LRP1B: variants seen among roughly 807,000 people sequenced by gnomAD.
LRP1B encodes low-density lipoprotein receptor-related protein 1B.
In LRP1B, 217 loss-of-function variants were observed where a neutral mutation model predicts 556.6. That is an observed-to-expected ratio of 0.39 (90% confidence interval 0.35 to 0.44). The LOEUF is 0.44. Ranked by LOEUF, LRP1B falls within the 20% of genes least tolerant of loss-of-function variation. LRP1B has a pLI of 1.00. For missense variants in LRP1B, 5,053 were observed against 5,620.8 expected (o/e 0.90, Z 3.23); for synonymous variants, 2,047 against 1,865.8 (o/e 1.10, Z -2.50).
At chr2:140,524,182 C>G (rs888589005) in intron 49 of LRP1B, among the ~76,000 whole-genome samples, 1 of 151,724 alleles carries the variant, frequency 6.6e-6, no homozygotes, top group African/African-American at 2.4e-5. Context: ...ACAGACACTT[C>G]TCAAAAGAAG....
chr2:142,112,612 G>A (rs1039704729), intron 1 of LRP1B, among the ~76,000 whole-genome samples: 7 of 152,066 alleles, frequency 4.6e-5, no homozygotes, highest in Admixed American at 2.6e-4. Flanking sequence ...AGACTACATT[G>A]ATTTCCTCAT....
At chr2:141,152,949 C>T (rs555354662) in intron 7 of LRP1B, among the ~76,000 whole-genome samples, 29 of 150,746 alleles carry the variant, frequency 1.9e-4, no homozygotes, top group African/African-American at 6.8e-4. Flanking sequence ...AGCGAAGGTA[C>T]ACTTAGTTTA....
intron 2 of LRP1B, among the ~76,000 whole-genome samples, chr2:141,797,791 G>A (rs1216641327): frequency 6.6e-6 from 1 of 152,108 alleles, no homozygotes; most frequent in African/African-American, 2.4e-5. Context: ...TGAGGAAAGT[G>A]TACCATAACT....
At chr2:140,297,255 A>T (rs1683646964) in intron 84 of LRP1B, among the ~76,000 whole-genome samples, 1 of 152,112 alleles carries the variant, frequency 6.6e-6, no homozygotes, top group Non-Finnish European at 1.5e-5. Context: ...ATGAAATATA[A>T]AGCAAGTTTC....
At chr2:141,052,611 A>G (rs1699068090) in intron 10 of LRP1B, among the ~76,000 whole-genome samples, 2 of 152,082 alleles carry the variant, frequency 1.3e-5, no homozygotes, top group Non-Finnish European at 2.9e-5. Flanking sequence ...CATTATATTT[A>G]TTAGCAAATG....
At chr2:140,599,810 A>C (rs1682584064) in intron 42 of LRP1B, among the ~76,000 whole-genome samples, 1 of 152,124 alleles carries the variant, frequency 6.6e-6, no homozygotes, top group South Asian at 2.1e-4. Context: ...GTAAGAAAAC[A>C]GAACGGCCCA....
chr2:141,597,433 C>T (rs910132975), intron 2 of LRP1B, among the ~76,000 whole-genome samples: 1 of 152,024 alleles, frequency 6.6e-6, no homozygotes, highest in Non-Finnish European at 1.5e-5. Flanking sequence ...TAAGCACAAC[C>T]CCTTCTCGCT....
intron 27 of LRP1B, among the ~76,000 whole-genome samples, chr2:140,864,030 C>G (rs1210900688): frequency 6.6e-6 from 1 of 151,738 alleles, no homozygotes; most frequent in Non-Finnish European, 1.5e-5. Flanking sequence ...TGGCTTCAGA[C>G]TTCTGTTCAG....
chr2:141,039,629 A>G (rs1305557033), intron 11 of LRP1B, among the ~76,000 whole-genome samples: 2 of 152,042 alleles, frequency 1.3e-5, no homozygotes, highest in Non-Finnish European at 2.9e-5. Context: ...TCACATGTGT[A>G]TATACATATG....
intron 43 of LRP1B, among the ~76,000 whole-genome samples, chr2:140,544,182 A>G (rs1021050607): frequency 1.3e-4 from 7 of 52,422 alleles, no homozygotes; most frequent in African/African-American, 2.8e-4. Flanking sequence ...GTAAATTTGT[A>G]TCACAGGGGT....
intron 35 of LRP1B, among the ~76,000 whole-genome samples, chr2:140,741,212 C>T (rs1209566308): frequency 2.0e-5 from 3 of 152,114 alleles, no homozygotes; most frequent in African/African-American, 7.2e-5. Flanking sequence ...TTCACATTTC[C>T]AGGGCAAGCA....
intron 18 of LRP1B, among the ~76,000 whole-genome samples, chr2:140,955,522 C>A (rs1335760229): frequency 6.6e-6 from 1 of 151,656 alleles, no homozygotes; most frequent in African/African-American, 2.4e-5. Flanking sequence ...GCTTACATGT[C>A]ATCAAGTTAC....
intron 1 of LRP1B, among the ~76,000 whole-genome samples, chr2:141,814,325 A>G (rs977800529): frequency 5.9e-5 from 9 of 152,096 alleles, no homozygotes; most frequent in Non-Finnish European, 1.0e-4. Flanking sequence ...TCTTGGTTTG[A>G]AGGAGTTCTA....
chr2:140,672,482 TAAAAAAAAAA>T lies in LRP1B; in HGVS notation c.6799+27758_6799+27767del, dbSNP rs55884730. Among the ~76,000 whole-genome samples the T allele has an allele frequency of 2.5e-4, 20 of 81,578 alleles. 1 individual carries two copies. In the Middle Eastern group the frequency reaches 0.02, roughly 81 times the overall value. The allele number at this position is 81,578 out of a possible 152,430, so 53.5% of individuals were successfully genotyped here. A position where few individuals can be genotyped will look rare whatever the true frequency, so the allele number is the denominator to read the frequency against. Reference sequence around the variant, plus strand: ...CTGGGTGACAGAATGAGACTCCATCTAAAAAAAAAAAAAAAAAAAAAAAAATTCACCAGTT... The same window carrying T: ...CTGGGTGACAGAATGAGACTCCATCTAAAAAAAAAAAAAAATTCACCAGTT... On this transcript the variant is annotated intron_variant, in intron 41 of 90. Transcript: ENST00000389484.
intron 3 of LRP1B, among the ~76,000 whole-genome samples, chr2:141,345,656 A>ATTTT (rs758109848): frequency 7.6e-6 from 1 of 131,072 alleles, no homozygotes; most frequent in African/African-American, 2.8e-5. Context: ...TACCTGGCTA[A>ATTTT]TTTTTTTTTT....
At chr2:141,407,557 ACT>A (rs912257740) in intron 3 of LRP1B, among the ~76,000 whole-genome samples, 11 of 151,700 alleles carry the variant, frequency 7.3e-5, no homozygotes, top group African/African-American at 2.7e-4. Context: ...GTAAGTGAGC[ACT>A]CTCTCTGAGC....
chr2:142,003,303 T>C (rs549891117), intron 1 of LRP1B, among the ~76,000 whole-genome samples: 4 of 152,362 alleles, frequency 2.6e-5, no homozygotes, highest in African/African-American at 9.6e-5. Flanking sequence ...ACATTCACTG[T>C]GAGACAAGAG....
chr2:140,493,124 T>C (rs1688773342), intron 56 of LRP1B, among the ~76,000 whole-genome samples: 1 of 152,164 alleles, frequency 6.6e-6, no homozygotes, highest in Non-Finnish European at 1.5e-5. Context: ...ATGACCTCAG[T>C]GAAGACCAAG....
intron 2 of LRP1B, among the ~76,000 whole-genome samples, chr2:141,488,759 C>T (rs1188080484): frequency 6.6e-6 from 1 of 151,988 alleles, no homozygotes; most frequent in African/African-American, 2.4e-5. Context: ...TACCTAGCAT[C>T]TTTTAAATAT....
Sources: allele counts gnomAD v4.1 joint callset (sites outside exome capture counted in the v4.1 genomes callset), GRCh38; gene constraint gnomAD v4.1.1; transcripts MANE v1.5; gene names NCBI Gene and HGNC (gene_info 2026-07-23, HGNC 2026-07-21).